Variants in C9orf43 observed in about 807,000 individuals in gnomAD.
The protein encoded by C9orf43 is uncharacterized protein C9orf43.
In C9orf43, 45 loss-of-function variants were observed where a neutral mutation model predicts 59.1. The ratio of observed to expected loss-of-function variants is 0.76; its 90% CI spans 0.60 to 0.98. C9orf43 has a LOEUF of 0.98. C9orf43 is among the 50% of genes least tolerant of loss of function. C9orf43 has a pLI of 0.00. For synonymous variants in C9orf43, 203 were observed against 196.8 expected, an observed-to-expected ratio of 1.03 and a Z score of -0.26; for missense variants, 533 against 554.9, an observed-to-expected ratio of 0.96 and a Z score of 0.40.
chr9:113,428,561 C>T (rs7021688), intron 12 of C9orf43, among the ~76,000 whole-genome samples: 13,172 of 152,090 alleles, frequency 0.087, 659 homozygotes, highest in Non-Finnish European at 0.097. Context: ...CCAAAGAAGC[C>T]ACAAGTCCAT....
At chr9:113,427,094 T>A (rs538793995) in intron 11 of C9orf43, among the ~76,000 whole-genome samples, 96 of 152,210 alleles carry the variant, frequency 6.3e-4, no homozygotes, top group Non-Finnish European at 1.2e-3. Context: ...TATGGACTGC[T>A]AAGTCTTTTG....
chr9:113,422,899 G>T (rs1024555378), intron 6 of C9orf43, among the ~76,000 whole-genome samples: 1 of 152,066 alleles, frequency 6.6e-6, no homozygotes, highest in Non-Finnish European at 1.5e-5. Context: ...ATGGACTAGG[G>T]GTTATAAGAC....
rs370303958 is a variant in C9orf43, at chr9:113,424,975, A to G, written c.808-44A>G. On this transcript the variant is annotated intron_variant, in intron 8 of 13. Transcript: ENST00000374165. ...TGGGGGATACATTTGGAGAAAGGGA[A>G]AGACCTGCAGTAGAGCTTTTCTTTT... is the stretch of plus-strand genomic sequence containing the variant. 2.1e-5 allele frequency: 32 copies of G among 1,548,672 alleles called. No homozygotes were observed. The African/African-American group carries it at 3.9e-4, about 19-fold the overall frequency.
chr9:113,423,131 G>A (rs1471806581), intron 6 of C9orf43, among the ~76,000 whole-genome samples, 195 bp from the exon 7 acceptor site: 1 of 152,154 alleles, frequency 6.6e-6, no homozygotes, highest in Non-Finnish European at 1.5e-5. Flanking sequence ...ACAAAACAAC[G>A]AATCCCTGTA....
In C9orf43 at chr9:113,410,896, C is replaced by T. The variant is rs1828110506; in HGVS notation, c.-155C>T. 1 of 968,266 alleles carries T rather than the reference C, an allele frequency of 1.0e-6. No individual in the cohort carries two copies. The highest frequency in any genetic ancestry group is 1.8e-5 in the African/African-American group (1 of 57,002). The allele number at this position is 968,266 out of a possible 1,614,324, so 60.0% of individuals were successfully genotyped here. The stretch of plus-strand genomic sequence containing the variant: ...TCAGCCCGTCGTGATCAGATTCTCC[C>T]ACTTTCTTTTTTCTTTCCTGGAATG... On this transcript the variant is annotated 5_prime_UTR_variant, in exon 1 of 14. Transcript: ENST00000374165.
intron 12 of C9orf43, 34 bp downstream of exon 12, chr9:113,428,257 G>T: frequency 1.3e-6 from 2 of 1,585,620 alleles, no homozygotes; most frequent in African/African-American, 2.7e-5. Context: ...CTAGGACCCA[G>T]TTTCAGTTAT....
chr9:113,410,779 C>G lies in C9orf43; in HGVS notation c.-272C>G. On this transcript the variant is annotated 5_prime_UTR_variant, in exon 1 of 14. Coordinates refer to ENST00000374165, the MANE Select transcript of C9orf43 (RefSeq NM_001278629.2). ...GAGGCAGGCTCTGGGCCCGCCGGGT[C>G]CGTTAATCTCACCGCGCCGCAAGGG... The G allele has an allele frequency of 4.3e-6, 1 of 232,612 alleles. No homozygotes were observed. The highest frequency in any genetic ancestry group is 7.4e-6 in the Non-Finnish European group (1 of 134,520). 14.4% of individuals were successfully genotyped at this position (232,612 alleles called of 1,614,324 possible). A position where few individuals can be genotyped will look rare whatever the true frequency, so the allele number is the denominator to read the frequency against.
chr9:113,429,060 T>C, intron 13 of C9orf43, 97 bp downstream of exon 13: 2 of 1,478,322 alleles, frequency 1.4e-6, no homozygotes, highest in East Asian at 2.3e-5. Context: ...GAAGGCACAG[T>C]TCCTCTATCT....
At chr9:113,422,186 C>T (rs1232883222) in intron 5 of C9orf43, among the ~76,000 whole-genome samples, 1 of 152,180 alleles carries the variant, frequency 6.6e-6, no homozygotes, top group Non-Finnish European at 1.5e-5. Context: ...GGTCCCTGTC[C>T]TGTTGGAGCC....
At chr9:113,423,264 G>A in intron 6 of C9orf43, 62 bp from the exon 7 acceptor site, 1 of 1,534,102 alleles carries the variant, frequency 6.5e-7, no homozygotes, top group East Asian at 2.3e-5. Context: ...CTAGAATGTT[G>A]ATGGAAAGGA....
chr9:113,420,889 A>T, intron 4 of C9orf43: 1 of 594,486 alleles, frequency 1.7e-6, no homozygotes, highest in South Asian at 7.4e-5. Flanking sequence ...AGCAGGGGAG[A>T]TTATCTGCTT....
chr9:113,420,686 T>C (rs1485210955), intron 4 of C9orf43: 2 of 862,200 alleles, frequency 2.3e-6, no homozygotes, highest in South Asian at 5.3e-5. Context: ...AGTCAGACTG[T>C]AAAAGAAAAC....
chr9:113,425,580 T>A, intron 10 of C9orf43, 63 bp from the exon 11 acceptor site: 1 of 1,562,654 alleles, frequency 6.4e-7, no homozygotes, highest in South Asian at 1.1e-5. Flanking sequence ...TTGATATTCC[T>A]TTTGAAAAAA....
rs1245443989 is a variant in C9orf43, at chr9:113,425,429, G to T, written c.942+9G>T. The T allele has an allele frequency of 1.2e-6, 2 of 1,611,068 alleles. No individual in the cohort carries two copies. The highest frequency in any genetic ancestry group is 1.7e-5 in the Admixed American group (1 of 59,216). On this transcript the variant is annotated intron_variant, in intron 10 of 13. Transcript: ENST00000374165. ...CACCTATTAAGAAACAGGTAGAGTG[G>T]CAGTGAGGGGCTTGCTGGGACTGGG...
chr9:113,425,822 T>A lies in C9orf43; in HGVS notation c.1030+92T>A, dbSNP rs542349811. On this transcript the variant is annotated intron_variant, in intron 11 of 13. Transcript: ENST00000374165. ...AAAGCTAAACATGCTCTTGTCATTT[T>A]GAGACCTGCCTTTGTCAGGCACTCA... 50 of 1,018,126 alleles carry A rather than the reference T, an allele frequency of 4.9e-5. No homozygotes were observed. In the East Asian group the frequency reaches 1.1e-3, roughly 23 times the overall value. 63.1% of individuals were successfully genotyped at this position (1,018,126 alleles called of 1,614,324 possible). A position where few individuals can be genotyped will look rare whatever the true frequency, so the allele number is the denominator to read the frequency against.
intron 11 of C9orf43, among the ~76,000 whole-genome samples, chr9:113,427,141 CTG>C (rs972575543): frequency 1.3e-5 from 2 of 152,126 alleles, no homozygotes; most frequent in African/African-American, 4.8e-5. Context: ...TCCGCCTTGA[CTG>C]TACACTAAGA....
At position 113,420,499 on chromosome 9, in the gene C9orf43, A is replaced by G. The variant is rs147783072; in HGVS notation, c.346-604A>G. ...AATCTCTCCTATTACCTCCAAGTCC[A>G]TCAGTTTGTCTTCACAGGGACAACC... On this transcript the variant is annotated intron_variant, in intron 4 of 13. Coordinates refer to ENST00000374165, the MANE Select transcript of C9orf43 (RefSeq NM_001278629.2). Among the ~76,000 whole-genome samples, 78 of 152,376 alleles carry G rather than the reference A, an allele frequency of 5.1e-4. 3 individuals carry two copies. The East Asian group carries it at 0.013, about 26-fold the overall frequency.
In C9orf43 at chr9:113,425,043, C is replaced by T. The variant is rs200902357; in HGVS notation, c.832C>T (p.Arg278Cys). ...LERPALRYPERLKKLHNLKTE... is the reference protein window; with the variant it reads ...LERPALRYPECLKKLHNLKTE... ...GAGACCAGCACTGCGATATCCTGAACGTTTGAAGAAATTACATAACCTGAA... is the reference window on the plus strand; with the variant it reads ...GAGACCAGCACTGCGATATCCTGAATGTTTGAAGAAATTACATAACCTGAA... The change falls in exon 9 of 14, where the codon CGT (arginine) becomes TGT (cysteine). Residue 278 changes from arginine (R) to cysteine (C), a missense_variant. Transcript: ENST00000374165. 17 of 1,612,794 alleles carry T rather than the reference C, an allele frequency of 1.1e-5. No homozygotes were observed. Among genetic ancestry groups the T allele is most frequent in the African/African-American group, 2.7e-5 (2 of 75,034 alleles).
At chr9:113,428,771 TC>T (rs1828881999) in intron 12 of C9orf43, 128 bp from the exon 13 acceptor site, 1 of 769,438 alleles carries the variant, frequency 1.3e-6, no homozygotes, top group South Asian at 1.6e-5. Flanking sequence ...AAGCTTCTCT[TC>T]AGTCCCAAGA....
Sources: gnomAD v4.1 joint callset for allele counts (sites outside exome capture counted in the v4.1 genomes callset) on GRCh38, gnomAD v4.1.1 for gene constraint, MANE v1.5 for transcripts, NCBI Gene and HGNC (gene_info 2026-07-23, HGNC 2026-07-21) for gene names.